Variants in ARL15 observed in about 807,000 individuals in gnomAD.
ARL15 encodes ARF like GTPase 15.
ARL15 carries 19 observed loss-of-function variants against 25.2 expected under a neutral mutation model. The observed-to-expected ratio is 0.75, with a 90% CI of 0.53 to 1.10. ARL15 has a LOEUF of 1.10. Among genes scored for constraint, ARL15 ranks in the 50% least tolerant of loss-of-function variants. ARL15 has a pLI of 0.00. For synonymous variants in ARL15, 94 were observed against 86.8 expected (o/e 1.08, Z -0.46); for missense variants, 220 against 246.0 (o/e 0.89, Z 0.71).
At chr5:54,131,714 G>C (rs1015583623) in intron 3 of ARL15, among the ~76,000 whole-genome samples, 1 of 152,134 alleles carries the variant, frequency 6.6e-6, no homozygotes, top group Non-Finnish European at 1.5e-5. Flanking sequence ...ACTATACTAG[G>C]TGCAGAGGAT....
intron 4 of ARL15, among the ~76,000 whole-genome samples, chr5:54,061,990 T>C (rs1751078970): frequency 6.6e-6 from 1 of 152,208 alleles, no homozygotes; most frequent in Non-Finnish European, 1.5e-5. Flanking sequence ...GGAACCTACT[T>C]GTTGCATCTG....
Position 54,169,803 on chromosome 5 carries a change from T to C in ARL15, c.193+1981A>G, listed in dbSNP as rs369018949. On this transcript the variant is annotated intron_variant, in intron 2 of 4. Coordinates refer to ENST00000504924, the MANE Select transcript of ARL15 (RefSeq NM_019087.3). ...GGGGAGAGGAGGGAGTACTCAGTTC[T>C]GTCCAAGGAGAAAAGAAGGTAGTCA... is the stretch of plus-strand genomic sequence containing the variant. Among the ~76,000 whole-genome samples the C allele has an allele frequency of 3.3e-5, 5 of 152,226 alleles. No homozygotes were observed. In the East Asian group the frequency reaches 9.7e-4, roughly 29 times the overall value.
chr5:54,177,987 C>T (rs1224695457), intron 1 of ARL15, among the ~76,000 whole-genome samples: 2 of 152,192 alleles, frequency 1.3e-5, no homozygotes, highest in Non-Finnish European at 1.5e-5. Context: ...TTCTAAGATT[C>T]ACTGGCTGAT....
chr5:53,919,426 C>T (rs1745771294), intron 4 of ARL15, among the ~76,000 whole-genome samples: 1 of 152,180 alleles, frequency 6.6e-6, no homozygotes, highest in Non-Finnish European at 1.5e-5. Flanking sequence ...CAAGGGAACT[C>T]ACACTCCAGT....
intron 1 of ARL15, among the ~76,000 whole-genome samples, chr5:54,230,963 A>G (rs1427620869): frequency 6.6e-6 from 1 of 151,572 alleles, no homozygotes; most frequent in Non-Finnish European, 1.5e-5. Flanking sequence ...GGCCATTGCC[A>G]CTACAGAATC....
chr5:54,196,144 T>C (rs953191692), intron 1 of ARL15, among the ~76,000 whole-genome samples: 6 of 152,204 alleles, frequency 3.9e-5, no homozygotes, highest in African/African-American at 1.2e-4. Flanking sequence ...TTAAACTATA[T>C]AGAATTTAGA....
chr5:54,002,512 A>G (rs1334289105), intron 4 of ARL15, among the ~76,000 whole-genome samples: 1 of 152,190 alleles, frequency 6.6e-6, no homozygotes, highest in African/African-American at 2.4e-5. Flanking sequence ...GAGGGACCAA[A>G]TGTACACTGT....
chr5:54,112,677 GA>G (rs1752776091), intron 4 of ARL15, among the ~76,000 whole-genome samples: 1 of 152,064 alleles, frequency 6.6e-6, no homozygotes, highest in South Asian at 2.1e-4. Flanking sequence ...AAAATTAAAT[GA>G]GGAAGATAAA....
At chr5:54,135,785 C>T (rs981369229) in intron 3 of ARL15, among the ~76,000 whole-genome samples, 1 of 152,140 alleles carries the variant, frequency 6.6e-6, no homozygotes, top group African/African-American at 2.4e-5. Context: ...CAAGAAATGT[C>T]TGATTTAACA....
At chr5:54,164,934 T>A (rs1754522721) in intron 2 of ARL15, among the ~76,000 whole-genome samples, 1 of 151,984 alleles carries the variant, frequency 6.6e-6, no homozygotes, top group African/African-American at 2.4e-5. Context: ...CTATTCTTGT[T>A]CCCCTTTTCT....
intron 1 of ARL15, among the ~76,000 whole-genome samples, chr5:54,267,674 A>G (rs1448790920): frequency 1.3e-5 from 2 of 152,260 alleles, no homozygotes; most frequent in African/African-American, 4.8e-5. Flanking sequence ...TGGTGACAAA[A>G]TCTCTCAGCA....
At chr5:54,099,297 G>A (rs950330528) in intron 4 of ARL15, among the ~76,000 whole-genome samples, 2 of 152,004 alleles carry the variant, frequency 1.3e-5, no homozygotes, top group African/African-American at 2.4e-5. Flanking sequence ...ACAAGACTTG[G>A]TATCAAATTT....
chr5:53,934,525 C>CTCT (rs1454600841), intron 4 of ARL15, among the ~76,000 whole-genome samples: 10 of 152,118 alleles, frequency 6.6e-5, no homozygotes, highest in African/African-American at 1.9e-4. Context: ...GTACATTAAA[C>CTCT]TCTTACCACT....
intron 1 of ARL15, among the ~76,000 whole-genome samples, chr5:54,189,628 T>C (rs927873784): frequency 6.6e-6 from 1 of 152,142 alleles, no homozygotes; most frequent in African/African-American, 2.4e-5. Flanking sequence ...CCTAATGCCA[T>C]ATACAAAAGT....
chr5:53,987,385 C>A lies in ARL15; in HGVS notation c.463-100672G>T, dbSNP rs142506596. ...ATCTAGATCTAGCCTCGTCCTTCCA[C>A]ATAATTTGCAGAAAAGGCTCACACA... On this transcript the variant is annotated intron_variant, in intron 4 of 4. Coordinates refer to ENST00000504924, the MANE Select transcript of ARL15 (RefSeq NM_019087.3). Among the ~76,000 whole-genome samples the A allele has an allele frequency of 6.6e-5, 10 of 151,972 alleles. No individual in the cohort carries two copies. In the East Asian group the frequency reaches 1.9e-3, roughly 29 times the overall value.
intron 3 of ARL15, among the ~76,000 whole-genome samples, chr5:54,123,552 T>C (rs898708844): frequency 6.6e-6 from 1 of 151,854 alleles, no homozygotes; most frequent in East Asian, 2.0e-4. Flanking sequence ...GCTAGTAACA[T>C]GATCATCCTA....
chr5:54,120,781 C>T (rs940814208), intron 3 of ARL15, among the ~76,000 whole-genome samples: 7 of 152,172 alleles, frequency 4.6e-5, no homozygotes, highest in African/African-American at 1.7e-4. Flanking sequence ...CTGCAATTGA[C>T]GTTGACCAAA....
At chr5:54,108,421 C>T (rs1268387937) in intron 4 of ARL15, among the ~76,000 whole-genome samples, 1 of 152,132 alleles carries the variant, frequency 6.6e-6, no homozygotes, top group Non-Finnish European at 1.5e-5. Flanking sequence ...TTCTAAAATG[C>T]TGCCAAGAGG....
chr5:54,237,635 A>C (rs1579939665), intron 1 of ARL15, among the ~76,000 whole-genome samples: 1 of 152,226 alleles, frequency 6.6e-6, no homozygotes, highest in African/African-American at 2.4e-5. Context: ...AAACGCATCA[A>C]GAATAACACA....
Sources: gnomAD v4.1 joint callset for allele counts (sites outside exome capture counted in the v4.1 genomes callset) on GRCh38, gnomAD v4.1.1 for gene constraint, MANE v1.5 for transcripts, NCBI Gene and HGNC (gene_info 2026-07-23, HGNC 2026-07-21) for gene names.